SLC22A14: variants seen among roughly 807,000 people sequenced by gnomAD.
SLC22A14 encodes the protein organic cation transporter-like 4.
SLC22A14 carries 50 observed loss-of-function variants against 53.9 expected under a neutral mutation model. The observed-to-expected ratio is 0.93, with a 90% CI of 0.74 to 1.17. The LOEUF (loss-of-function observed/expected upper bound fraction) is 1.17. Ranked by LOEUF, SLC22A14 falls within the 50% of genes most tolerant of loss-of-function variation. The probability of loss-of-function intolerance (pLI) is 0.00; values close to 1 mark genes in which losing one functional copy is unlikely to be tolerated. For missense variants in SLC22A14, 671 were observed against 734.7 expected (o/e 0.91, Z 1.00); for synonymous variants, 312 against 303.0 (o/e 1.03, Z -0.31).
At position 38,309,106 on chromosome 3, in the gene SLC22A14, T is replaced by C. The variant is rs2125888228; in HGVS notation, c.928T>C (p.Phe310Leu). The stretch of plus-strand genomic sequence containing the variant: ...GGTGGGTGGGATACTTGTGATCCCC[T>C]TCATCTCCTATATCTGGTGAGCAAG... The part of the protein sequence containing the change: ...FLVGGILVIP[F>L]ISYIWILPES... The change falls in exon 5 of 11, where the codon TTC (phenylalanine) becomes CTC (leucine). Residue 310 changes from phenylalanine (F) to leucine (L), a missense_variant. Coordinates refer to ENST00000448498, the MANE Select transcript of SLC22A14 (RefSeq NM_001320033.2). 1.2e-6 allele frequency: 2 copies of C among 1,613,910 alleles called. No individual in the cohort carries two copies. Among genetic ancestry groups the C allele is most frequent in the East Asian group, 2.2e-5 (1 of 44,888 alleles).
chr3:38,318,135 C>T (rs370690412), intron 10 of SLC22A14, 63 bp from the exon 11 acceptor site: 89 of 1,496,912 alleles, frequency 5.9e-5, no homozygotes, highest in South Asian at 5.9e-4. Flanking sequence ...AGGCACAAGC[C>T]GCTGCTTTTC....
chr3:38,294,790 A>G (rs573585181), intron 1 of SLC22A14, among the ~76,000 whole-genome samples: 1 of 152,192 alleles, frequency 6.6e-6, no homozygotes, highest in Admixed American at 6.5e-5. Flanking sequence ...GTACTTTACC[A>G]GCATGCCCAA....
Position 38,306,171 on chromosome 3 carries a change from G to T in SLC22A14, c.145G>T (p.Asp49Tyr), listed in dbSNP as rs1312073811. The T allele has an allele frequency of 1.2e-6, 2 of 1,614,200 alleles. No individual in the cohort carries two copies. The highest frequency in any genetic ancestry group is 2.2e-5 in the East Asian group (1 of 44,882). ...RRLRAVHTKQDDKFANLLDAV... is the reference protein window; with the variant it reads ...RRLRAVHTKQYDKFANLLDAV... The stretch of plus-strand genomic sequence containing the variant: ...ATTGAGGGCTGTCCACACCAAGCAG[G>T]ATGACAAGTTTGCCAACCTCCTGGA... Residue 49 changes from aspartate to tyrosine, a missense_variant, in exon 2 of 11, where the codon GAT becomes TAT. Transcript: ENST00000448498.
At position 38,306,074 on chromosome 3, in the gene SLC22A14, T is replaced by C; in HGVS notation, c.48T>C (p.Ala16=). ...AGGAAGAGCTCAGATCCCAGGATGCTTCCAGGAACTTGAACCAGCATGAGG... is the reference window on the plus strand; with the variant it reads ...AGGAAGAGCTCAGATCCCAGGATGCCTCCAGGAACTTGAACCAGCATGAGG... ...NFKEELRSQD[A]SRNLNQHEVA... The change falls in exon 2 of 11, where the codon GCT becomes GCC. Residue 16 remains alanine (A), a synonymous_variant. Transcript: ENST00000448498. 6.2e-7 allele frequency: 1 copy of C among 1,613,984 alleles called. No individual in the cohort carries two copies. Among genetic ancestry groups the C allele is most frequent in the Non-Finnish European group, 8.5e-7 (1 of 1,179,910 alleles).
chr3:38,294,570 A>T (rs1703985017), intron 1 of SLC22A14, among the ~76,000 whole-genome samples: 1 of 151,834 alleles, frequency 6.6e-6, no homozygotes, highest in South Asian at 2.1e-4. Flanking sequence ...AAAAGAACAT[A>T]GGGATGCCAG....
upstream of SLC22A14, among the ~76,000 whole-genome samples, chr3:38,280,215 G>A (rs1247520316): frequency 2.6e-5 from 4 of 152,086 alleles, no homozygotes; most frequent in Admixed American, 6.6e-5. Flanking sequence ...TCAGAATCCC[G>A]ACACCTTTTC....
chr3:38,286,183 G>A (rs572394726), intron 1 of SLC22A14, among the ~76,000 whole-genome samples: 8 of 152,172 alleles, frequency 5.3e-5, no homozygotes, highest in South Asian at 2.1e-4. Context: ...TGAAGGTTGC[G>A]GTGAGCTGAG....
chr3:38,308,652 G>C (rs1704381844), intron 4 of SLC22A14, among the ~76,000 whole-genome samples: 1 of 152,254 alleles, frequency 6.6e-6, no homozygotes. Flanking sequence ...CACGTGTCTG[G>C]TATTGCGTCT....
rs1704392620 is a variant in SLC22A14 at position 38,308,991 on chromosome 3, C to T, written c.813C>T (p.Ala271=). ...EWLVGEHRAH[A]IILGHCFFAV... is the part of the protein sequence containing the mutation. ...TAGTGGGTGAGCACCGGGCCCATGC[C>T]ATTATCCTGGGACACTGCTTTTTCG... Residue 271 remains alanine, a synonymous_variant, in exon 5 of 11, where the codon GCC becomes GCT. Transcript: ENST00000448498. 2 of 1,614,196 alleles carry T rather than the reference C, an allele frequency of 1.2e-6. No homozygotes were observed. The highest frequency in any genetic ancestry group is 1.7e-6 in the Non-Finnish European group (2 of 1,179,986).
intron 1 of SLC22A14, among the ~76,000 whole-genome samples, chr3:38,289,180 CAAAAAAAAAAA>C (rs1173451784): frequency 7.5e-5 from 4 of 52,994 alleles, no homozygotes; most frequent in African/African-American, 7.6e-5. Flanking sequence ...TCTATCTCTA[CAAAAAAAAAAA>C]AAAAAAAAAA....
At chr3:38,293,940 G>T (rs1490795911) in intron 1 of SLC22A14, among the ~76,000 whole-genome samples, 1 of 152,142 alleles carries the variant, frequency 6.6e-6, no homozygotes, top group African/African-American at 2.4e-5. Context: ...ATCTCTCCAT[G>T]TCAGATCAAA....
chr3:38,286,725 G>GT (rs36097881), intron 1 of SLC22A14, among the ~76,000 whole-genome samples: 82 of 137,640 alleles, frequency 6.0e-4, no homozygotes, highest in East Asian at 1.4e-3. Context: ...ATTTGTGTGG[G>GT]TTTTTTTTTT....
At chr3:38,304,376 C>T (rs539413163) in intron 1 of SLC22A14, among the ~76,000 whole-genome samples, 5 of 151,996 alleles carry the variant, frequency 3.3e-5, no homozygotes, top group South Asian at 2.1e-4. Flanking sequence ...TCCTGGTTTC[C>T]GTGTTGCTTA....
At chr3:38,290,804 A>C (rs1002682792) in intron 1 of SLC22A14, among the ~76,000 whole-genome samples, 1 of 152,188 alleles carries the variant, frequency 6.6e-6, no homozygotes, top group Admixed American at 6.5e-5. Flanking sequence ...GGGTCCTTCT[A>C]TAAGCATTTT....
At chr3:38,287,160 C>G (rs1431899393) in intron 1 of SLC22A14, among the ~76,000 whole-genome samples, 1 of 151,920 alleles carries the variant, frequency 6.6e-6, no homozygotes, top group Non-Finnish European at 1.5e-5. Context: ...CAGTTTTTTT[C>G]CACTTTAAGA....
In SLC22A14 at chr3:38,306,179, GT is replaced by G. The variant is rs1355279923; in HGVS notation, c.156del (p.Phe52LeufsTer18). The G allele has an allele frequency of 6.2e-7, 1 of 1,614,214 alleles. No individual in the cohort carries two copies. On this transcript the variant is annotated frameshift_variant, in exon 2 of 11. Coordinates refer to ENST00000448498, the MANE Select transcript of SLC22A14 (RefSeq NM_001320033.2). LOFTEE classifies it high-confidence loss of function. ...RAVHTKQDDKFANLLDAVGEF... is the reference protein window; with the variant it reads ...RAVHTKQDDKXANLLDAVGEF... ...CTGTCCACACCAAGCAGGATGACAA[GT>G]TTGCCAACCTCCTGGATGCGGTGGG...
At chr3:38,318,116 C>G in intron 10 of SLC22A14, 82 bp from the exon 11 acceptor site, 1 of 1,297,134 alleles carries the variant, frequency 7.7e-7, no homozygotes, top group Non-Finnish European at 1.1e-6. Flanking sequence ...CAGGGTTGGG[C>G]GCTGCTGAAG....
chr3:38,307,871 T>G lies in SLC22A14; in HGVS notation c.775+151T>G. 2 of 803,464 alleles carry G rather than the reference T, an allele frequency of 2.5e-6. No homozygotes were observed. Among genetic ancestry groups the G allele is most frequent in the Non-Finnish European group, 4.0e-6 (2 of 503,046 alleles). 49.8% of individuals were successfully genotyped at this position (803,464 alleles called of 1,614,324 possible). ...GCTGTAAGAGGGCATGGCGGGGGTG[T>G]GGCAGCGTGGGCATCTGCTGGGATC... On this transcript the variant is annotated intron_variant, in intron 4 of 10. Coordinates refer to ENST00000448498, the MANE Select transcript of SLC22A14 (RefSeq NM_001320033.2). This position sits in a 1 kb window ranked among gnomAD's most constrained non-coding sequence, Gnocchi z 4.4.
At chr3:38,308,830 CAGA>C (rs1235768779) in intron 4 of SLC22A14, 121 bp from the exon 5 acceptor site, 34 of 853,834 alleles carry the variant, frequency 4.0e-5, no homozygotes, top group Non-Finnish European at 4.7e-5. Context: ...CAGAGACGAG[CAGA>C]AGAAGCTTTG....
Sources: allele counts gnomAD v4.1 joint callset (sites outside exome capture counted in the v4.1 genomes callset), GRCh38; gene constraint gnomAD v4.1.1; non-coding constraint Gnocchi (gnomAD v3.1); transcripts MANE v1.5; gene names NCBI Gene and HGNC (gene_info 2026-07-23, HGNC 2026-07-21).